Variants in RALYL observed in about 807,000 individuals in gnomAD.
The protein encoded by RALYL is RALY RNA binding protein like.
RALYL carries 29 observed loss-of-function variants against 35.1 expected under a neutral mutation model. That is an observed-to-expected ratio of 0.83 (90% confidence interval 0.61 to 1.13). The LOEUF (loss-of-function observed/expected upper bound fraction) is 1.13, where lower values mean the gene tolerates loss of function less well. RALYL is among the 50% of genes most tolerant of loss of function. The pLI is 0.00. For synonymous variants in RALYL, 120 were observed against 127.6 expected (o/e 0.94, Z 0.40); for missense variants, 359 against 360.4 (o/e 1.00, Z 0.03).
intron 2 of RALYL, among the ~76,000 whole-genome samples, chr8:84,756,025 GC>G (rs1811315815): frequency 6.6e-6 from 1 of 152,008 alleles, no homozygotes; most frequent in African/African-American, 2.4e-5. Context: ...TTAACTTATT[GC>G]CATGAACAAA....
chr8:84,460,612 A>G (rs936628655), intron 1 of RALYL, among the ~76,000 whole-genome samples: 3 of 151,908 alleles, frequency 2.0e-5, no homozygotes, highest in African/African-American at 7.2e-5. Flanking sequence ...AAAAGCCTAT[A>G]TATGTATTTG....
chr8:84,546,359 A>T (rs1258166891), intron 2 of RALYL, among the ~76,000 whole-genome samples: 2 of 152,070 alleles, frequency 1.3e-5, no homozygotes, highest in African/African-American at 4.8e-5. Context: ...GGCTCAACTG[A>T]TCTGCCTAAC....
At chr8:84,897,611 C>T (rs551665681) in intron 8 of RALYL, among the ~76,000 whole-genome samples, 17 of 152,122 alleles carry the variant, frequency 1.1e-4, no homozygotes, top group Non-Finnish European at 1.9e-4. Context: ...TGTTCTCTGA[C>T]TCATGTGATC....
At chr8:84,231,101 G>A (rs186441086) in intron 1 of RALYL, among the ~76,000 whole-genome samples, 1 of 152,312 alleles carries the variant, frequency 6.6e-6, no homozygotes, top group East Asian at 1.9e-4. Flanking sequence ...CAGTTGCTGT[G>A]GCAGTAAGGC....
intron 2 of RALYL, among the ~76,000 whole-genome samples, chr8:84,546,966 T>TA (rs1407064034): frequency 1.4e-4 from 22 of 152,154 alleles, no homozygotes; most frequent in Admixed American, 7.2e-4. Flanking sequence ...TTAATTTTTT[T>TA]AATTTTACCT....
At chr8:84,253,151 GTA>G (rs1371281566) in intron 1 of RALYL, among the ~76,000 whole-genome samples, 1 of 117,524 alleles carries the variant, frequency 8.5e-6, no homozygotes, top group Non-Finnish European at 1.7e-5. Context: ...GCGTTTGTGT[GTA>G]TGTGTCTGTG....
At chr8:84,655,205 C>T (rs969397748) in intron 2 of RALYL, among the ~76,000 whole-genome samples, 2 of 151,992 alleles carry the variant, frequency 1.3e-5, no homozygotes, top group Non-Finnish European at 1.5e-5. Context: ...ATGTGGAGCA[C>T]ATTTTCATAT....
chr8:84,663,163 T>C (rs1831250474), intron 2 of RALYL, among the ~76,000 whole-genome samples: 1 of 152,194 alleles, frequency 6.6e-6, no homozygotes, highest in Non-Finnish European at 1.5e-5. Context: ...GGACATGAGC[T>C]TGTTCTTTTT....
intron 1 of RALYL, among the ~76,000 whole-genome samples, chr8:84,507,458 G>A (rs979217473): frequency 2.6e-5 from 4 of 152,076 alleles, no homozygotes; most frequent in African/African-American, 9.7e-5. Flanking sequence ...AAACGATCAG[G>A]CTTTTAGTCT....
At chr8:84,901,047 G>C (rs1208728206) in intron 8 of RALYL, among the ~76,000 whole-genome samples, 2 of 152,124 alleles carry the variant, frequency 1.3e-5, no homozygotes, top group Non-Finnish European at 2.9e-5. Context: ...ACCTCCCACA[G>C]AGACTGAGAG....
chr8:84,274,313 T>C lies in RALYL; in HGVS notation c.-24+89889T>C, dbSNP rs371468898. On this transcript the variant is annotated intron_variant, in intron 1 of 8. Transcript: ENST00000521268. Reference sequence around the variant, plus strand: ...TTTGATTTACTATTATCTTTGTTCTTCTTTTCCATTTAATGACTTTTATTA... The same window carrying C: ...TTTGATTTACTATTATCTTTGTTCTCCTTTTCCATTTAATGACTTTTATTA... 5.9e-5 allele frequency among the ~76,000 whole-genome samples: 9 copies of C among 152,280 alleles called. No individual in the cohort carries two copies. In the East Asian group the frequency reaches 1.2e-3, roughly 20 times the overall value.
chr8:84,791,155 C>A (rs1820680128), intron 3 of RALYL, among the ~76,000 whole-genome samples: 1 of 152,064 alleles, frequency 6.6e-6, no homozygotes, highest in Admixed American at 6.6e-5. Context: ...AGGAAGATGA[C>A]AAGTACTGCA....
At chr8:84,416,099 C>T (rs2044670152) in intron 1 of RALYL, among the ~76,000 whole-genome samples, 1 of 152,154 alleles carries the variant, frequency 6.6e-6, no homozygotes, top group African/African-American at 2.4e-5. Context: ...CCAATTGACA[C>T]CCTTTGGCAA....
intron 1 of RALYL, among the ~76,000 whole-genome samples, chr8:84,337,437 A>G (rs1450295704): frequency 6.6e-6 from 1 of 152,040 alleles, no homozygotes; most frequent in Non-Finnish European, 1.5e-5. Context: ...AGTGCAAAAA[A>G]GCTGCAGAAG....
intron 1 of RALYL, among the ~76,000 whole-genome samples, chr8:84,192,341 G>A (rs1427283254): frequency 1.3e-5 from 2 of 152,146 alleles, no homozygotes; most frequent in East Asian, 1.9e-4. Context: ...GTGCCACTGT[G>A]GGAGGACTTT....
chr8:84,753,523 G>C (rs545882826), intron 2 of RALYL, among the ~76,000 whole-genome samples: 3 of 152,152 alleles, frequency 2.0e-5, no homozygotes, highest in Non-Finnish European at 4.4e-5. Flanking sequence ...ATCTCATGTC[G>C]AAATGTAATT....
intron 2 of RALYL, among the ~76,000 whole-genome samples, chr8:84,725,916 C>A (rs946385562): frequency 6.6e-6 from 1 of 151,572 alleles, no homozygotes; most frequent in African/African-American, 2.4e-5. Context: ...AGTTTGAAAT[C>A]ATCAGTTTCG....
At chr8:84,693,203 C>G (rs1838423458) in intron 2 of RALYL, among the ~76,000 whole-genome samples, 1 of 151,756 alleles carries the variant, frequency 6.6e-6, no homozygotes, top group Non-Finnish European at 1.5e-5. Flanking sequence ...ATGTATTAGC[C>G]CATTCTCACA....
intron 2 of RALYL, among the ~76,000 whole-genome samples, chr8:84,719,282 T>A (rs1390912697): frequency 6.6e-6 from 1 of 152,216 alleles, no homozygotes; most frequent in African/African-American, 2.4e-5. Flanking sequence ...ATTGCCTTAT[T>A]TATGTACCTG....
Sources: allele counts gnomAD v4.1 joint callset (sites outside exome capture counted in the v4.1 genomes callset), GRCh38; gene constraint gnomAD v4.1.1; transcripts MANE v1.5; gene names NCBI Gene and HGNC (gene_info 2026-07-23, HGNC 2026-07-21).